The following SH3RF3 variants were observed in gnomAD, a reference collection of about 807,000 sequenced individuals.
SH3RF3 encodes the protein E3 ubiquitin-protein ligase SH3RF3.
A neutral mutation model predicts 66.3 loss-of-function variants in SH3RF3; 29 were observed. That is an observed-to-expected ratio of 0.44 (90% confidence interval 0.33 to 0.60). The LOEUF is 0.60. Among genes scored for constraint, SH3RF3 ranks in the 20% least tolerant of loss-of-function variants. The probability of loss-of-function intolerance (pLI) is 0.04; values close to 1 mark genes in which losing one functional copy is unlikely to be tolerated. For missense variants in SH3RF3, 1,194 were observed against 1,190.9 expected, an observed-to-expected ratio of 1.00 and a Z score of -0.04; for synonymous variants, 583 against 532.0, an observed-to-expected ratio of 1.10 and a Z score of -1.32.
chr2:109,490,681 T>G lies in SH3RF3; in HGVS notation c.2225T>G (p.Val742Gly), dbSNP rs1191473489. ...TKKKSRSPPS[V>G]SPTHDPQVAV... is the part of the protein sequence containing the mutation. ...AAGAAGTCACGCTCCCCGCCATCTG[T>G]GTCTCCAACCCACGACCCCCAGGTG... The change falls in exon 9 of 10, where the codon GTG becomes GGG. Residue 742 changes from valine to glycine, a missense_variant. By Grantham distance (109) the Val-to-Gly change is moderately radical (BLOSUM62 -3). Transcript: ENST00000309415. The G allele has an allele frequency of 3.3e-6, 5 of 1,523,990 alleles. No individual in the cohort carries two copies. The South Asian group carries it at 4.8e-5, about 15-fold the overall frequency. The allele number at this position is 1,523,990 out of a possible 1,614,324, so 94.4% of individuals were successfully genotyped here.
intron 1 of SH3RF3, among the ~76,000 whole-genome samples, chr2:109,247,950 C>A (rs923895096): frequency 9.2e-5 from 14 of 152,122 alleles, no homozygotes; most frequent in African/African-American, 3.4e-4. Context: ...AACGTGCAAG[C>A]GCTTTTTAAA....
intron 1 of SH3RF3, among the ~76,000 whole-genome samples, chr2:109,173,225 A>C (rs191837594): frequency 6.6e-6 from 1 of 152,314 alleles, no homozygotes; most frequent in East Asian, 1.9e-4. Context: ...TTCTGTAATT[A>C]TCAAGTTGAA....
intron 1 of SH3RF3, among the ~76,000 whole-genome samples, chr2:109,217,331 A>G (rs1679121605): frequency 1.3e-5 from 2 of 152,182 alleles, no homozygotes; most frequent in African/African-American, 4.8e-5. Context: ...CTCTTTGTAG[A>G]TACGTATTTG....
chr2:109,465,545 A>G (rs1296582045), intron 8 of SH3RF3, among the ~76,000 whole-genome samples: 4 of 152,190 alleles, frequency 2.6e-5, no homozygotes, highest in Non-Finnish European at 5.9e-5. Flanking sequence ...GTGGTCTCTC[A>G]TTGTTATTAT....
At chr2:109,354,197 T>C (rs2105592904) in intron 2 of SH3RF3, among the ~76,000 whole-genome samples, 1 of 152,334 alleles carries the variant, frequency 6.6e-6, no homozygotes. Flanking sequence ...CAGAGTGGGT[T>C]GGGCCCTGTG....
chr2:109,490,768 G>A lies in SH3RF3; in HGVS notation c.2312G>A (p.Gly771Asp). ...GAAGTGTCCTCACTGTCCATCCACG[G>A]CAGGGCAGGGTCCTGCCCCATAGAG... ...GPEVSSLSIH[G>D]RAGSCPIESE... The change falls in exon 9 of 10, where the codon GGC becomes GAC. Residue 771 changes from glycine (G) to aspartate (D), a missense_variant. Transcript: ENST00000309415. The A allele has an allele frequency of 3.3e-6, 5 of 1,536,496 alleles. No homozygotes were observed. The highest frequency in any genetic ancestry group is 4.4e-6 in the Non-Finnish European group (5 of 1,146,452).
chr2:109,493,822 C>T (rs1022236592), intron 9 of SH3RF3, among the ~76,000 whole-genome samples: 1 of 152,120 alleles, frequency 6.6e-6, no homozygotes, highest in Non-Finnish European at 1.5e-5. Flanking sequence ...ACACTATACA[C>T]AAATTGTACA....
chr2:109,370,222 T>C (rs1184809338), intron 2 of SH3RF3, among the ~76,000 whole-genome samples: 2 of 140,568 alleles, frequency 1.4e-5, no homozygotes, highest in African/African-American at 6.4e-5. Flanking sequence ...TCTGTCTCTG[T>C]CTCTGTCTCT....
chr2:109,208,373 C>T (rs529016679), intron 1 of SH3RF3, among the ~76,000 whole-genome samples: 4 of 152,358 alleles, frequency 2.6e-5, no homozygotes, highest in African/African-American at 4.8e-5. Flanking sequence ...TTCCCATGCT[C>T]GGTCTTCAGG....
intron 1 of SH3RF3, among the ~76,000 whole-genome samples, chr2:109,252,666 A>C (rs146813137): frequency 6.6e-6 from 1 of 152,246 alleles, no homozygotes; most frequent in Non-Finnish European, 1.5e-5. Context: ...CCAAACCTAC[A>C]GAACCTCATA....
At chr2:109,366,943 C>T (rs552113788) in intron 2 of SH3RF3, among the ~76,000 whole-genome samples, 23 of 152,190 alleles carry the variant, frequency 1.5e-4, no homozygotes, top group Admixed American at 6.5e-4. Context: ...GACTGGGATT[C>T]GTTTTTTGAA....
At chr2:109,239,853 G>T (rs1375821609) in intron 1 of SH3RF3, among the ~76,000 whole-genome samples, 3 of 152,306 alleles carry the variant, frequency 2.0e-5, no homozygotes, top group East Asian at 3.9e-4. Context: ...CAGAATTTCC[G>T]ACCGTCTCCT....
At chr2:109,299,738 G>C (rs1681410960) in intron 1 of SH3RF3, among the ~76,000 whole-genome samples, 1 of 152,146 alleles carries the variant, frequency 6.6e-6, no homozygotes, top group South Asian at 2.1e-4. Flanking sequence ...CTCAAGCAAG[G>C]CTTTTCTTTC....
At position 109,157,823 on chromosome 2, in the gene SH3RF3, G is replaced by T. The variant is rs114730598; in HGVS notation, c.573+27710G>T. 5.5e-3 allele frequency among the ~76,000 whole-genome samples: 842 copies of T among 152,266 alleles called. 7 individuals are homozygous for T. Among genetic ancestry groups the T allele is most frequent in the African/African-American group, 0.019 (809 of 41,546 alleles). ...CCTTTATCAGGATTGAGGATTGTAT[G>T]GGAGGAGCACTGCAAAGCATGTCCA... On this transcript the variant is annotated intron_variant, in intron 1 of 9. Transcript: ENST00000309415.
chr2:109,250,780 A>G (rs1680070171), intron 1 of SH3RF3, among the ~76,000 whole-genome samples: 1 of 151,900 alleles, frequency 6.6e-6, no homozygotes, highest in Admixed American at 6.6e-5. Flanking sequence ...AGAAAAAAAA[A>G]GTGCTTCAAT....
intron 3 of SH3RF3, among the ~76,000 whole-genome samples, chr2:109,396,884 G>A (rs1241291941): frequency 6.6e-6 from 1 of 152,230 alleles, no homozygotes; most frequent in Non-Finnish European, 1.5e-5. Context: ...GCCTGCTGTG[G>A]TTCCCACCTT....
chr2:109,350,346 G>A (rs1328231008), intron 2 of SH3RF3, among the ~76,000 whole-genome samples: 1 of 152,344 alleles, frequency 6.6e-6, no homozygotes, highest in Non-Finnish European at 1.5e-5. Context: ...GGCTCCCACA[G>A]CAGACAAGGG....
intron 1 of SH3RF3, among the ~76,000 whole-genome samples, chr2:109,341,057 A>G (rs1682544516): frequency 6.6e-6 from 1 of 152,246 alleles, no homozygotes; most frequent in African/African-American, 2.4e-5. Flanking sequence ...TTGAAGGGCA[A>G]GTCGTGTTTT....
chr2:109,486,311 T>G lies in SH3RF3; in HGVS notation c.2149-4294T>G, dbSNP rs1215647353. Among the ~76,000 whole-genome samples, 2 of 152,184 alleles carry G rather than the reference T, an allele frequency of 1.3e-5. 1 individual carries two copies. Among genetic ancestry groups the G allele is most frequent in the Admixed American group, 1.3e-4 (2 of 15,272 alleles). Reference sequence around the variant, plus strand: ...GGGGTGGGGCCCACATTTTACATTTTGTGGAACTCCCTGATTGTTTCTTTG... The same window carrying G: ...GGGGTGGGGCCCACATTTTACATTTGGTGGAACTCCCTGATTGTTTCTTTG... On this transcript the variant is annotated intron_variant, in intron 8 of 9. Coordinates refer to ENST00000309415, the MANE Select transcript of SH3RF3 (RefSeq NM_001099289.3).
Sources: gnomAD v4.1 joint callset for allele counts (sites outside exome capture counted in the v4.1 genomes callset) on GRCh38, gnomAD v4.1.1 for gene constraint, MANE v1.5 for transcripts, NCBI Gene and HGNC (gene_info 2026-07-23, HGNC 2026-07-21) for gene names.